The following CBY1 variants were observed in gnomAD, a reference collection of about 807,000 sequenced individuals.
CBY1 encodes chibby 1, beta catenin antagonist.
A neutral mutation model predicts 15.6 loss-of-function variants in CBY1; 10 were observed. The observed-to-expected ratio is 0.64, with a 90% CI of 0.40 to 1.09. The LOEUF is 1.09. Among genes scored for constraint, CBY1 ranks in the 50% least tolerant of loss-of-function variants. CBY1 has a pLI of 0.01. For missense variants in CBY1, 150 were observed against 160.5 expected (o/e 0.93, Z 0.35); for synonymous variants, 61 against 63.5 (o/e 0.96, Z 0.19).
intron 1 of CBY1, among the ~76,000 whole-genome samples, chr22:38,659,053 A>G (rs1413179364): frequency 6.6e-6 from 1 of 151,912 alleles, no homozygotes; most frequent in Non-Finnish European, 1.5e-5. Flanking sequence ...CGCATGCCTC[A>G]GCCTCCTGAG....
chr22:38,664,194 G>A (rs1457120537), intron 1 of CBY1, among the ~76,000 whole-genome samples: 1 of 151,924 alleles, frequency 6.6e-6, no homozygotes, highest in Admixed American at 6.6e-5. Flanking sequence ...AAAGAGGGCT[G>A]GGCGCGGTGG....
At chr22:38,665,911 T>G (rs368217156) in intron 1 of CBY1, among the ~76,000 whole-genome samples, 24 of 152,072 alleles carry the variant, frequency 1.6e-4, no homozygotes, top group African/African-American at 5.8e-4. Flanking sequence ...GGCACACACC[T>G]GTAATCCCAG....
intron 1 of CBY1, among the ~76,000 whole-genome samples, chr22:38,662,286 A>G (rs2092424257): frequency 6.7e-6 from 1 of 148,780 alleles, no homozygotes; most frequent in Non-Finnish European, 1.5e-5. Flanking sequence ...TGGGCAACAG[A>G]ATGAGACTCT....
intron 4 of CBY1, 130 bp from the exon 5 acceptor site, chr22:38,673,029 C>T (rs753925398): frequency 3.2e-6 from 2 of 626,076 alleles, no homozygotes; most frequent in Non-Finnish European, 5.8e-6. Context: ...CAGAGGGTTT[C>T]CCATCGAGGA....
intron 1 of CBY1, among the ~76,000 whole-genome samples, chr22:38,661,322 C>T (rs1002858196): frequency 1.3e-5 from 2 of 152,170 alleles, no homozygotes; most frequent in African/African-American, 2.4e-5. Context: ...TACAGGTGAG[C>T]ACCACCACTC....
intron 4 of CBY1, among the ~76,000 whole-genome samples, chr22:38,672,462 C>A (rs1200336253): frequency 6.6e-6 from 1 of 151,850 alleles, no homozygotes; most frequent in Admixed American, 6.6e-5. Flanking sequence ...CTGATTAGCA[C>A]CCGCCACCAC....
intron 1 of CBY1, among the ~76,000 whole-genome samples, chr22:38,660,801 G>C (rs927493188): frequency 0.019 from 1 of 54 alleles, no homozygotes; most frequent in Non-Finnish European, 0.036. Context: ...GCAATGACAC[G>C]ATCTCCCTCA....
chr22:38,672,203 A>G (rs906789663), intron 4 of CBY1, among the ~76,000 whole-genome samples: 5 of 151,662 alleles, frequency 3.3e-5, no homozygotes, highest in African/African-American at 7.3e-5. Context: ...TGGAGGTTGC[A>G]GTGGGCTGAG....
At chr22:38,657,798 C>G (rs1402313819) in intron 1 of CBY1, among the ~76,000 whole-genome samples, 2 of 152,128 alleles carry the variant, frequency 1.3e-5, no homozygotes, top group African/African-American at 4.8e-5. Flanking sequence ...TGTGCTCAGG[C>G]CCAGTGCAGT....
At chr22:38,671,326 G>A (rs3747170) in intron 4 of CBY1, 138 bp downstream of exon 4, 204,412 of 708,102 alleles carry the variant, frequency 0.29, 30,092 homozygotes, top group East Asian at 0.35. Context: ...CACACGCAAG[G>A]AACAAGACAC....
intron 4 of CBY1, chr22:38,671,394 G>A: frequency 7.1e-6 from 4 of 565,672 alleles, no homozygotes; most frequent in African/African-American, 1.9e-5. Context: ...AATTACATAA[G>A]GACCCAGTTG....
chr22:38,671,266 A>G (rs1476213547), intron 4 of CBY1, 78 bp downstream of exon 4: 2 of 1,074,520 alleles, frequency 1.9e-6, no homozygotes, highest in African/African-American at 3.1e-5. Context: ...AATCCAACAG[A>G]TATCTCCTCA....
chr22:38,660,649 G>T (rs1048854803), intron 1 of CBY1, among the ~76,000 whole-genome samples: 2 of 151,172 alleles, frequency 1.3e-5, no homozygotes, highest in African/African-American at 4.9e-5. Context: ...CACACACGCA[G>T]ACGCATATAC....
intron 1 of CBY1, among the ~76,000 whole-genome samples, chr22:38,658,922 C>G (rs1056807585): frequency 2.0e-5 from 3 of 152,076 alleles, no homozygotes; most frequent in Non-Finnish European, 4.4e-5. Flanking sequence ...TTGCTATTTA[C>G]AATTTTATTT....
intron 4 of CBY1, among the ~76,000 whole-genome samples, chr22:38,672,453 T>C (rs1486326592): frequency 1.3e-5 from 2 of 151,882 alleles, no homozygotes; most frequent in Non-Finnish European, 2.9e-5. Context: ...ATCAGCCTCC[T>C]GATTAGCACC....
intron 1 of CBY1, among the ~76,000 whole-genome samples, chr22:38,662,376 T>A (rs1403280904): frequency 6.6e-6 from 1 of 152,056 alleles, no homozygotes; most frequent in African/African-American, 2.4e-5. Context: ...CTAACCCCTG[T>A]TTTACATCAT....
chr22:38,660,623 T>TACACAC (rs67187850), intron 1 of CBY1, among the ~76,000 whole-genome samples: 9 of 149,818 alleles, frequency 6.0e-5, no homozygotes, highest in Non-Finnish European at 8.9e-5. Context: ...TACAGGTACA[T>TACACAC]ACACACACAC....
chr22:38,662,186 C>G (rs2092423984), intron 1 of CBY1, among the ~76,000 whole-genome samples: 1 of 151,882 alleles, frequency 6.6e-6, no homozygotes, highest in African/African-American at 2.4e-5. Context: ...CCTGTGATCT[C>G]AGCTACTTGG....
chr22:38,672,496 A>G (rs2092455733), intron 4 of CBY1, among the ~76,000 whole-genome samples: 1 of 151,758 alleles, frequency 6.6e-6, no homozygotes, highest in East Asian at 2.0e-4. Flanking sequence ...TTGCATTTTT[A>G]GTAGAGATGG....
Sources: gnomAD v4.1 joint callset for allele counts (sites outside exome capture counted in the v4.1 genomes callset) on GRCh38, gnomAD v4.1.1 for gene constraint, MANE v1.5 for transcripts, NCBI Gene and HGNC (gene_info 2026-07-23, HGNC 2026-07-21) for gene names.